CPA6: variants seen among roughly 807,000 people sequenced by gnomAD.
The protein encoded by CPA6 is carboxypeptidase B.
Under a neutral mutation model 63.3 loss-of-function variants are expected in CPA6, and 58 were observed. The observed-to-expected ratio is 0.92, with a 90% CI of 0.74 to 1.14. The LOEUF is 1.14. CPA6 is among the 50% of genes most tolerant of loss of function. The pLI is 0.00. For missense variants in CPA6, 565 were observed against 526.6 expected (o/e 1.07, Z -0.71); for synonymous variants, 185 against 179.0 (o/e 1.03, Z -0.27).
intron 8 of CPA6, among the ~76,000 whole-genome samples, chr8:67,475,747 CTT>C (rs1262745249): frequency 6.7e-6 from 1 of 149,086 alleles, no homozygotes; most frequent in African/African-American, 2.5e-5. Context: ...TTCTTTCCTT[CTT>C]TCTTTTTTTC....
chr8:67,585,429 G>T (rs1214129515), intron 2 of CPA6, among the ~76,000 whole-genome samples: 2 of 152,154 alleles, frequency 1.3e-5, no homozygotes, highest in Non-Finnish European at 2.9e-5. Flanking sequence ...CAGTGTTTTT[G>T]GTTCTTAAGA....
intron 8 of CPA6, among the ~76,000 whole-genome samples, chr8:67,476,230 T>C (rs1208349345): frequency 1.3e-5 from 2 of 152,004 alleles, no homozygotes; most frequent in Non-Finnish European, 2.9e-5. Context: ...CTCAAACTCC[T>C]GGCCTCAAGT....
chr8:67,604,068 T>G (rs1814564492), intron 2 of CPA6, among the ~76,000 whole-genome samples: 1 of 152,214 alleles, frequency 6.6e-6, no homozygotes, highest in Non-Finnish European at 1.5e-5. Flanking sequence ...CAGCTGGTGA[T>G]GGAGGTTGTG....
intron 2 of CPA6, among the ~76,000 whole-genome samples, chr8:67,525,132 C>A (rs184724145): frequency 7.9e-5 from 12 of 152,262 alleles, no homozygotes; most frequent in Admixed American, 7.2e-4. Flanking sequence ...TTATGGTCTT[C>A]TGTGAACCAA....
chr8:67,601,897 G>A (rs1814506186), intron 2 of CPA6, among the ~76,000 whole-genome samples: 1 of 152,154 alleles, frequency 6.6e-6, no homozygotes, highest in African/African-American at 2.4e-5. Flanking sequence ...TTGTACATAT[G>A]TGAAACAACT....
intron 10 of CPA6, 24 bp from the exon 11 acceptor site, chr8:67,422,715 A>G: frequency 6.4e-7 from 1 of 1,571,688 alleles, no homozygotes; most frequent in South Asian, 1.2e-5. Context: ...CAAAAAAAAA[A>G]AGATCAGCCT....
chr8:67,650,044 C>T (rs1815801709), intron 1 of CPA6, among the ~76,000 whole-genome samples: 1 of 152,112 alleles, frequency 6.6e-6, no homozygotes, highest in South Asian at 2.1e-4. Flanking sequence ...CTGCCCTTTC[C>T]TTTTTCCTTT....
chr8:67,632,728 A>T (rs1448294732), intron 1 of CPA6, among the ~76,000 whole-genome samples: 1 of 152,208 alleles, frequency 6.6e-6, no homozygotes, highest in East Asian at 1.9e-4. Flanking sequence ...TATATGAAGC[A>T]GTGAGATGTA....
At chr8:67,597,255 G>T (rs1231861455) in intron 2 of CPA6, among the ~76,000 whole-genome samples, 2 of 145,778 alleles carry the variant, frequency 1.4e-5, no homozygotes, top group Non-Finnish European at 3.0e-5. Flanking sequence ...CTGGAGTGCA[G>T]TGGCGTGATC....
At chr8:67,535,082 G>A (rs1277823200) in intron 2 of CPA6, among the ~76,000 whole-genome samples, 2 of 152,180 alleles carry the variant, frequency 1.3e-5, no homozygotes, top group Non-Finnish European at 2.9e-5. Flanking sequence ...TGGTGTATAT[G>A]TGCCACATTT....
At chr8:67,513,949 C>A (rs533103218) in intron 3 of CPA6, among the ~76,000 whole-genome samples, 3 of 151,776 alleles carry the variant, frequency 2.0e-5, no homozygotes, top group Admixed American at 6.6e-5. Context: ...GGGGAGGGAC[C>A]CTCAAAACAT....
chr8:67,694,190 C>T (rs1235546109), intron 1 of CPA6, among the ~76,000 whole-genome samples: 4 of 152,242 alleles, frequency 2.6e-5, no homozygotes, highest in Non-Finnish European at 5.9e-5. Flanking sequence ...TGCTCTGCCA[C>T]TTGGACTGTG....
intron 1 of CPA6, among the ~76,000 whole-genome samples, chr8:67,658,069 GA>G (rs373063517): frequency 2.0e-4 from 30 of 152,270 alleles, no homozygotes; most frequent in African/African-American, 7.2e-4. Context: ...TGCTGACTCA[GA>G]CCTTTCTTGT....
At chr8:67,552,148 G>A (rs2128972977) in intron 2 of CPA6, among the ~76,000 whole-genome samples, 1 of 152,248 alleles carries the variant, frequency 6.6e-6, no homozygotes, top group Non-Finnish European at 1.5e-5. Flanking sequence ...AATAAAATCT[G>A]TCCCTTGCCT....
chr8:67,541,439 C>T (rs1161602002), intron 2 of CPA6, among the ~76,000 whole-genome samples: 1 of 152,080 alleles, frequency 6.6e-6, no homozygotes, highest in African/African-American at 2.4e-5. Context: ...CGGTTGTTTG[C>T]ATAAAAAAAG....
chr8:67,588,210 G>A (rs556776871), intron 2 of CPA6, among the ~76,000 whole-genome samples: 3 of 152,268 alleles, frequency 2.0e-5, no homozygotes, highest in South Asian at 2.1e-4. Context: ...GATCAGGTTC[G>A]CCGTTTAACA....
intron 1 of CPA6, among the ~76,000 whole-genome samples, chr8:67,663,616 T>G (rs1816165925): frequency 6.6e-6 from 1 of 152,060 alleles, no homozygotes; most frequent in Admixed American, 6.5e-5. Context: ...AATGAGAACA[T>G]GAGGTGTTTG....
At chr8:67,662,749 T>A (rs1385485870) in intron 1 of CPA6, among the ~76,000 whole-genome samples, 2 of 152,098 alleles carry the variant, frequency 1.3e-5, no homozygotes. Flanking sequence ...AGCGCTTTAT[T>A]ATTGTGTTGT....
In CPA6 at chr8:67,554,244, A is replaced by C. The variant is rs144869339; in HGVS notation, c.193-36197T>G. Among the ~76,000 whole-genome samples, 692 of 152,292 alleles carry C rather than the reference A, an allele frequency of 4.5e-3. 4 individuals are homozygous for C. Among genetic ancestry groups the C allele is most frequent in the African/African-American group, 0.016 (646 of 41,564 alleles). On this transcript the variant is annotated intron_variant, in intron 2 of 10. Coordinates refer to ENST00000297770, the MANE Select transcript of CPA6 (RefSeq NM_020361.5). ...CTGCAGGCTGTAACAGGAAGCATGG[A>C]CCAGCATCTGCTGGGCTTCTAGGGA... is the stretch of plus-strand genomic sequence containing the variant.
Sources: gnomAD v4.1 joint callset for allele counts (sites outside exome capture counted in the v4.1 genomes callset) on GRCh38, gnomAD v4.1.1 for gene constraint, MANE v1.5 for transcripts, NCBI Gene and HGNC (gene_info 2026-07-23, HGNC 2026-07-21) for gene names.